The following SORCS1 variants were observed in gnomAD, a reference collection of about 807,000 sequenced individuals.
SORCS1 encodes the protein sortilin related VPS10 domain containing receptor 1.
SORCS1 carries 60 observed loss-of-function variants against 146.1 expected under a neutral mutation model. The ratio of observed to expected loss-of-function variants is 0.41; its 90% confidence interval spans 0.33 to 0.51. SORCS1 has a LOEUF of 0.51. SORCS1 is among the 20% of genes least tolerant of loss of function. SORCS1 has a pLI of 0.21. For missense variants in SORCS1, 1,352 were observed against 1,487.6 expected (o/e 0.91, Z 1.50); for synonymous variants, 637 against 584.0 (o/e 1.09, Z -1.31).
chr10:106,647,007 G>A (rs968674258), intron 18 of SORCS1, among the ~76,000 whole-genome samples: 15 of 134,234 alleles, frequency 1.1e-4, no homozygotes, highest in African/African-American at 3.8e-4. Flanking sequence ...GTTTGTATGT[G>A]TATATATATA....
chr10:107,171,834 CA>C, the SORCS1 span, among the ~76,000 whole-genome samples: 1 of 152,128 alleles, frequency 6.6e-6, no homozygotes, highest in Non-Finnish European at 1.5e-5. Flanking sequence ...TCAACATATG[CA>C]ATTTATCTTT....
At chr10:106,991,361 T>C (rs1956765196) in intron 1 of SORCS1, among the ~76,000 whole-genome samples, 1 of 152,212 alleles carries the variant, frequency 6.6e-6, no homozygotes. Context: ...ATCCTGGCCT[T>C]TCTATTCCTC....
At chr10:107,168,445 C>G (rs546852411), upstream of SORCS1, among the ~76,000 whole-genome samples, 3 of 152,292 alleles carry the variant, frequency 2.0e-5, no homozygotes, top group South Asian at 2.1e-4. Context: ...GATAAAGGCC[C>G]TGTGCTCCTT....
At chr10:106,946,320 T>C (rs1954341925) in intron 2 of SORCS1, among the ~76,000 whole-genome samples, 2 of 152,222 alleles carry the variant, frequency 1.3e-5, no homozygotes, top group Non-Finnish European at 2.9e-5. Flanking sequence ...GGTTAGTATG[T>C]GATATGGTTT....
At chr10:106,816,894 C>A (rs1369737210) in intron 3 of SORCS1, among the ~76,000 whole-genome samples, 1 of 152,166 alleles carries the variant, frequency 6.6e-6, no homozygotes, top group Non-Finnish European at 1.5e-5. Context: ...TAAAGGTCAG[C>A]TCTCTTGGAA....
chr10:106,629,053 C>T, intron 19 of SORCS1, 149 bp downstream of exon 19: 1 of 657,006 alleles, frequency 1.5e-6, no homozygotes, highest in Non-Finnish European at 2.6e-6. Context: ...TCACTCTTTC[C>T]TTATTTTGGT....
At chr10:106,957,381 AGGCT>A (rs1372029261) in intron 1 of SORCS1, among the ~76,000 whole-genome samples, 6 of 152,074 alleles carry the variant, frequency 3.9e-5, no homozygotes, top group South Asian at 4.2e-4. Flanking sequence ...CATGTTGGGT[AGGCT>A]GGTCTCGAAC....
In SORCS1 at chr10:106,761,528, TACTAGGTCATATCTG is replaced by T. The variant is rs1245117188; in HGVS notation, c.959+45_959+59del. Reference sequence around the variant, plus strand: ...TGAGAACAAGATTCCAATGGGCATTTACTAGGTCATATCTGACTAGGTCATATCTTAATGTGCTAC... The same window carrying T: ...TGAGAACAAGATTCCAATGGGCATTTACTAGGTCATATCTTAATGTGCTAC... On this transcript the variant is annotated intron_variant, in intron 5 of 25. Transcript: ENST00000263054. The T allele has an allele frequency of 3.4e-6, 5 of 1,450,608 alleles. No individual in the cohort carries two copies. The South Asian group carries it at 4.6e-5, about 13-fold the overall frequency. The allele number at this position is 1,450,608 out of a possible 1,614,324, so 89.9% of individuals were successfully genotyped here.
intron 23 of SORCS1, among the ~76,000 whole-genome samples, chr10:106,602,182 T>G (rs916987541): frequency 2.6e-5 from 4 of 152,158 alleles, no homozygotes; most frequent in African/African-American, 7.2e-5. Context: ...CTTAGACAAA[T>G]GTATTAATGG....
chr10:106,643,185 T>C (rs1008728076), intron 18 of SORCS1, among the ~76,000 whole-genome samples: 16 of 152,246 alleles, frequency 1.1e-4, no homozygotes, highest in Non-Finnish European at 1.5e-4. Flanking sequence ...GTGCCTCATA[T>C]AAAATGACAA....
intron 2 of SORCS1, among the ~76,000 whole-genome samples, chr10:106,895,378 AG>A (rs1480615764): frequency 6.6e-6 from 1 of 152,184 alleles, no homozygotes; most frequent in African/African-American, 2.4e-5. Flanking sequence ...TGGGAGGCTT[AG>A]GTGGGCAGAT....
chr10:106,611,809 G>GGTTT, intron 22 of SORCS1, 102 bp downstream of exon 22: 1 of 573,684 alleles, frequency 1.7e-6, no homozygotes, highest in Non-Finnish European at 2.8e-6. Flanking sequence ...CTTCCTGCTG[G>GGTTT]GTTAGTTTGT....
intron 2 of SORCS1, among the ~76,000 whole-genome samples, chr10:106,851,857 A>C (rs1036357416): frequency 6.6e-6 from 1 of 152,196 alleles, no homozygotes; most frequent in African/African-American, 2.4e-5. Flanking sequence ...TCATTTACTT[A>C]GTTTTTTAAC....
chr10:107,072,556 T>A (rs1276348106), intron 1 of SORCS1, among the ~76,000 whole-genome samples: 2 of 152,036 alleles, frequency 1.3e-5, no homozygotes, highest in Non-Finnish European at 2.9e-5. Context: ...CATACATGTA[T>A]TTATACATAT....
At chr10:107,095,844 C>T (rs932154881) in intron 1 of SORCS1, among the ~76,000 whole-genome samples, 3 of 152,024 alleles carry the variant, frequency 2.0e-5, no homozygotes, top group Non-Finnish European at 4.4e-5. Flanking sequence ...GGTGATTCAG[C>T]TAAAATATTA....
intron 1 of SORCS1, among the ~76,000 whole-genome samples, chr10:107,073,959 C>T (rs777590800): frequency 5.9e-5 from 9 of 152,004 alleles, no homozygotes; most frequent in Non-Finnish European, 1.2e-4. Context: ...TCCGTGCTCC[C>T]ACACTTTTAC....
chr10:107,027,523 T>C (rs1008556501), intron 1 of SORCS1, among the ~76,000 whole-genome samples: 1 of 152,156 alleles, frequency 6.6e-6, no homozygotes, highest in Admixed American at 6.5e-5. Context: ...CTCTGTATGA[T>C]CACCATCTCC....
At chr10:106,984,088 T>A (rs1287820897) in intron 1 of SORCS1, among the ~76,000 whole-genome samples, 2 of 152,210 alleles carry the variant, frequency 1.3e-5, no homozygotes, top group Non-Finnish European at 2.9e-5. Context: ...ACGTTATGTA[T>A]CACAGGACTT....
At chr10:107,115,682 G>C (rs1965996214) in intron 1 of SORCS1, among the ~76,000 whole-genome samples, 2 of 152,022 alleles carry the variant, frequency 1.3e-5, no homozygotes, top group Non-Finnish European at 2.9e-5. Context: ...CCTGACATTG[G>C]CTTTGGCAAT....
Sources: allele counts gnomAD v4.1 joint callset (sites outside exome capture counted in the v4.1 genomes callset), GRCh38; gene constraint gnomAD v4.1.1; transcripts MANE v1.5; gene names NCBI Gene and HGNC (gene_info 2026-07-23, HGNC 2026-07-21).